The following GPR89A variants were observed in gnomAD, a reference collection of about 807,000 sequenced individuals.
GPR89A encodes G protein-coupled receptor 89A.
A neutral mutation model predicts 52.0 loss-of-function variants in GPR89A; 16 were observed. The observed-to-expected ratio is 0.31, with a 90% CI of 0.21 to 0.47. The LOEUF (loss-of-function observed/expected upper bound fraction) is 0.47. Among genes scored for constraint, GPR89A ranks in the 20% least tolerant of loss-of-function variants. The pLI, the probability that GPR89A is intolerant of heterozygous loss-of-function variation, is 1.00. For synonymous variants in GPR89A, 55 were observed against 150.9 expected, an observed-to-expected ratio of 0.36 and a Z score of 4.66; for missense variants, 135 against 449.4, an observed-to-expected ratio of 0.30 and a Z score of 6.33.
chr1:145,658,482 T>C (rs768187349), intron 10 of GPR89A, among the ~76,000 whole-genome samples: 25 of 151,294 alleles, frequency 1.7e-4, no homozygotes, highest in Non-Finnish European at 3.5e-4. Context: ...ACAAAATTAA[T>C]AGGGCATGGA....
At chr1:145,622,952 A>G in intron 3 of GPR89A, 102 bp from the exon 4 acceptor site, 1 of 1,578,508 alleles carries the variant, frequency 6.3e-7, no homozygotes, top group East Asian at 2.2e-5. Flanking sequence ...GGATATATTC[A>G]ATATTGAGTC....
chr1:145,620,285 G>A (rs1649051923), intron 3 of GPR89A, among the ~76,000 whole-genome samples: 1 of 152,110 alleles, frequency 6.6e-6, no homozygotes, highest in Non-Finnish European at 1.5e-5. Context: ...ACAGTCATAG[G>A]CAATATATAA....
intron 10 of GPR89A, 135 bp from the exon 11 acceptor site, chr1:145,663,194 T>A (rs1553695900): frequency 6.3e-6 from 9 of 1,420,020 alleles, no homozygotes; most frequent in Non-Finnish European, 8.6e-6. Flanking sequence ...TGATTTGGAT[T>A]AAGAGTAGAA....
intron 11 of GPR89A, among the ~76,000 whole-genome samples, chr1:145,665,202 G>A (rs1257550031): frequency 2.6e-5 from 4 of 151,982 alleles, no homozygotes; most frequent in Non-Finnish European, 4.4e-5. Context: ...GGTACTTGCT[G>A]CCGGGCATGG....
Sources: allele counts gnomAD v4.1 joint callset (sites outside exome capture counted in the v4.1 genomes callset), GRCh38; gene constraint gnomAD v4.1.1; transcripts MANE v1.5; gene names NCBI Gene and HGNC (gene_info 2026-07-23, HGNC 2026-07-21).